Variants in DMGDH observed in about 807,000 individuals in gnomAD.
DMGDH encodes dimethylglycine dehydrogenase, mitochondrial.
Under a neutral mutation model 95.2 loss-of-function variants are expected in DMGDH, and 76 were observed. The observed-to-expected ratio is 0.80, with a 90% CI of 0.66 to 0.97. The LOEUF is 0.97. Ranked by LOEUF, DMGDH falls within the 50% of genes least tolerant of loss-of-function variation. DMGDH has a pLI of 0.00. For synonymous variants in DMGDH, 345 were observed against 377.6 expected, an observed-to-expected ratio of 0.91 and a Z score of 1.00; for missense variants, 987 against 1,055.0, an observed-to-expected ratio of 0.94 and a Z score of 0.89.
intron 7 of DMGDH, among the ~76,000 whole-genome samples, chr5:79,038,413 G>A (rs1433925261): frequency 1.3e-5 from 2 of 152,118 alleles, no homozygotes; most frequent in Non-Finnish European, 2.9e-5. Flanking sequence ...GAACCCGGGA[G>A]GTGGAGGTTG....
chr5:79,040,614 T>C (rs778591277), intron 7 of DMGDH, among the ~76,000 whole-genome samples: 1 of 152,120 alleles, frequency 6.6e-6, no homozygotes, highest in Non-Finnish European at 1.5e-5. Flanking sequence ...TATTCTGGAC[T>C]TCATCAAAAT....
intron 5 of DMGDH, among the ~76,000 whole-genome samples, chr5:79,050,265 AAAAAAAAAATATATATAT>A (rs1216125891): frequency 0.015 from 808 of 52,502 alleles, 7 homozygotes; most frequent in African/African-American, 0.051. Flanking sequence ...AAAAAAAAAA[AAAAAAAAAATATATATAT>A]ATATATATAT....
chr5:79,012,347 C>T (rs1252491090), intron 14 of DMGDH, among the ~76,000 whole-genome samples: 1 of 152,212 alleles, frequency 6.6e-6, no homozygotes, highest in Non-Finnish European at 1.5e-5. Context: ...GGCAATTATG[C>T]TTCTGTGGCT....
chr5:79,033,405 A>T lies in DMGDH; in HGVS notation c.1197T>A (p.Tyr399Ter), dbSNP rs754825559. 3.1e-6 allele frequency: 5 copies of T among 1,614,008 alleles called. No homozygotes were observed. In the Admixed American group the frequency reaches 5.0e-5, roughly 16 times the overall value. ...CTACCCCACCAGCGTGGATTATGCC[A>T]TATCTTTCAAATACAGGGATAGAAA... Reference protein sequence around the residue: ...RNYWVAIGFGYGIIHAGGVGK... With the variant: ...RNYWVAIGFG Residue 399 changes from tyrosine to a stop codon, truncating the protein, a stop_gained, in exon 8 of 16, where the codon TAT becomes TAA. Coordinates refer to ENST00000255189, the MANE Select transcript of DMGDH (RefSeq NM_013391.3). LOFTEE classifies it high-confidence loss of function.
chr5:79,000,397 G>T (rs1753433700), intron 15 of DMGDH: 1 of 637,242 alleles, frequency 1.6e-6, no homozygotes. Flanking sequence ...GGTGGTACTA[G>T]CTATTTTCTT....
intron 14 of DMGDH, chr5:79,020,596 G>A (rs759282842): frequency 1.5e-5 from 14 of 909,496 alleles, no homozygotes; most frequent in Non-Finnish European, 1.8e-5. Flanking sequence ...TTTGGTTATC[G>A]AACAGTTATG....
chr5:79,019,918 A>C (rs490270), intron 14 of DMGDH, among the ~76,000 whole-genome samples: 31,268 of 150,434 alleles, frequency 0.21, 3,273 homozygotes, highest in South Asian at 0.28. Flanking sequence ...ATAGATCGAT[A>C]GATAGATAGA....
intron 2 of DMGDH, among the ~76,000 whole-genome samples, chr5:79,057,943 C>T (rs1365396009): frequency 6.6e-6 from 1 of 152,188 alleles, no homozygotes; most frequent in Non-Finnish European, 1.5e-5. Context: ...CTACGCAATC[C>T]TCTTCTCCCT....
chr5:79,009,360 C>CTTTTTTTTTTTTT (rs372464439), intron 14 of DMGDH, among the ~76,000 whole-genome samples: 2 of 107,784 alleles, frequency 1.9e-5, no homozygotes, highest in South Asian at 3.0e-4. Flanking sequence ...CTTTTCTTTT[C>CTTTTTTTTTTTTT]TTTTCTTTTT....
At chr5:79,052,508 T>TA (rs1303197108) in intron 4 of DMGDH, among the ~76,000 whole-genome samples, 1 of 152,244 alleles carries the variant, frequency 6.6e-6, no homozygotes, top group African/African-American at 2.4e-5. Flanking sequence ...AGGGACTTTC[T>TA]ATTTTAAGGG....
chr5:79,033,099 T>C (rs1754236754), intron 8 of DMGDH, 140 bp downstream of exon 8: 10 of 1,081,806 alleles, frequency 9.2e-6, no homozygotes, highest in Admixed American at 2.0e-5. Context: ...ATATTCCTTG[T>C]TATGTCTCAG....
At chr5:79,026,714 C>CG (rs1301777553) in intron 12 of DMGDH, 133 bp from the exon 13 acceptor site, 2 of 1,362,342 alleles carry the variant, frequency 1.5e-6, no homozygotes, top group Non-Finnish European at 1.0e-6. Flanking sequence ...TCTAAAAAGA[C>CG]CAGCTCACAA....
At chr5:79,036,998 G>C (rs552483657) in intron 7 of DMGDH, among the ~76,000 whole-genome samples, 1 of 152,106 alleles carries the variant, frequency 6.6e-6, no homozygotes, top group East Asian at 1.9e-4. Context: ...GGAGACACCA[G>C]AGAGCTTGCT....
At chr5:78,998,831 C>A (rs1442097833) in intron 15 of DMGDH, among the ~76,000 whole-genome samples, 1 of 151,780 alleles carries the variant, frequency 6.6e-6, no homozygotes, top group Non-Finnish European at 1.5e-5. Context: ...GCCTGGATGA[C>A]AGAGTGAGAC....
At chr5:79,013,777 A>G (rs1466158689) in intron 14 of DMGDH, among the ~76,000 whole-genome samples, 2 of 152,188 alleles carry the variant, frequency 1.3e-5, no homozygotes, top group African/African-American at 4.8e-5. Context: ...CAGGAGCAGG[A>G]GCAAGAGACA....
intron 5 of DMGDH, among the ~76,000 whole-genome samples, chr5:79,045,827 G>A (rs529999211): frequency 6.6e-6 from 1 of 152,272 alleles, no homozygotes; most frequent in East Asian, 1.9e-4. Flanking sequence ...CTATCATTAT[G>A]AGGTTCCAAG....
At chr5:79,044,183 T>C (rs996570268) in intron 6 of DMGDH, 121 bp downstream of exon 6, 8 of 1,400,890 alleles carry the variant, frequency 5.7e-6, no homozygotes, top group South Asian at 2.3e-5. Context: ...TCACCTCCAA[T>C]GTCCCAGGTA....
chr5:79,028,776 G>A, intron 11 of DMGDH, 126 bp from the exon 12 acceptor site: 1 of 1,038,542 alleles, frequency 9.6e-7, no homozygotes, highest in Non-Finnish European at 1.5e-6. Context: ...GTCATTTCAT[G>A]AAATCACACT....
chr5:79,059,143 A>T (rs781597487), intron 2 of DMGDH, among the ~76,000 whole-genome samples: 1 of 152,246 alleles, frequency 6.6e-6, no homozygotes, highest in Middle Eastern at 3.2e-3. Flanking sequence ...TTTTTATTTT[A>T]TATACTGTGT....
Sources: allele counts gnomAD v4.1 joint callset (sites outside exome capture counted in the v4.1 genomes callset), GRCh38; gene constraint gnomAD v4.1.1; transcripts MANE v1.5; gene names NCBI Gene and HGNC (gene_info 2026-07-23, HGNC 2026-07-21).